DHX8: variants seen among roughly 807,000 people sequenced by gnomAD.
DHX8 encodes DEAH-box helicase 8, also known as ATP-dependent RNA helicase DHX8.
Under a neutral mutation model 140.7 loss-of-function variants are expected in DHX8, and 67 were observed. The ratio of observed to expected loss-of-function variants is 0.48; its 90% CI spans 0.39 to 0.58. The LOEUF (loss-of-function observed/expected upper bound fraction) is 0.58, where lower values mean the gene tolerates loss of function less well. DHX8 is among the 20% of genes least tolerant of loss of function. DHX8 has a pLI of 0.00. For synonymous variants in DHX8, 533 were observed against 553.2 expected (o/e 0.96, Z 0.51); for missense variants, 887 against 1,550.7 (o/e 0.57, Z 7.19).
chr17:43,533,354 G>A (rs1318259865), intron 2 of DHX8: 2 of 1,611,224 alleles, frequency 1.2e-6, no homozygotes, highest in Non-Finnish European at 1.7e-6. Flanking sequence ...AGGCACTGGA[G>A]TTGAGAAGGA....
rs565130221 is a variant in DHX8, at chr17:43,522,533, G to A, written c.3443+307G>A. Among the ~76,000 whole-genome samples the A allele has an allele frequency of 5.9e-5, 9 of 152,084 alleles. No homozygotes were observed. In the South Asian group the frequency reaches 1.7e-3, roughly 28 times the overall value. ...GGAGGCTGAGGTGGGCAGATCAGCCGAGGTCGGGAGTTCAAGACCAGCCTG... is the reference window on the plus strand; with the variant it reads ...GGAGGCTGAGGTGGGCAGATCAGCCAAGGTCGGGAGTTCAAGACCAGCCTG... On this transcript the variant is annotated intron_variant, in intron 22 of 22. Transcript: ENST00000262415.
Position 43,490,459 on chromosome 17 carries a change from C to G in DHX8, c.303C>G (p.Ser101Arg). ...GGCCTCCAGCGAAGCCTTCCACTAG[C>G]AAAGGTAAGCAGAGCTTCCAGCTGA... ...TMRPPAKPST[S>R]KDPVVKPKTE... Residue 101 changes from serine (S) to arginine (R), a missense_variant, in exon 3 of 23, where the codon AGC (serine) becomes AGG (arginine). By Grantham distance (110) the Ser-to-Arg change is moderately radical. Around this residue, in one of 9 missense-constraint regions of DHX8, gnomAD observed 304 missense variants for 306.9 expected, o/e 0.99. Transcript: ENST00000262415. 3 of 1,613,010 alleles carry G rather than the reference C, an allele frequency of 1.9e-6. No homozygotes were observed. In the South Asian group the frequency reaches 3.3e-5, roughly 18 times the overall value.
At chr17:43,484,507 C>T (rs1968010305) in intron 1 of DHX8, among the ~76,000 whole-genome samples, 1 of 152,178 alleles carries the variant, frequency 6.6e-6, no homozygotes, top group Non-Finnish European at 1.5e-5. Context: ...ACGATGATGG[C>T]TGACGTTTAT....
chr17:43,495,094 G>C (rs368783418), intron 8 of DHX8, among the ~76,000 whole-genome samples: 1 of 151,886 alleles, frequency 6.6e-6, no homozygotes, highest in East Asian at 2.0e-4. Flanking sequence ...GATTACAGGC[G>C]TGAGCCACTG....
At chr17:43,508,273 C>G in intron 15 of DHX8, 66 bp from the exon 16 acceptor site, 1 of 1,543,630 alleles carries the variant, frequency 6.5e-7, no homozygotes, top group Non-Finnish European at 8.7e-7. Flanking sequence ...TTAATATCAC[C>G]ATAGCCCTTG....
chr17:43,539,956 A>G (rs535521118), intron 3 of DHX8, among the ~76,000 whole-genome samples: 16 of 152,350 alleles, frequency 1.1e-4, no homozygotes, highest in Non-Finnish European at 2.4e-4. Flanking sequence ...ACAAGCCACC[A>G]GCAGCTAAAC....
chr17:43,488,602 C>T (rs1219018590), intron 1 of DHX8, among the ~76,000 whole-genome samples: 2 of 144,214 alleles, frequency 1.4e-5, no homozygotes, highest in Admixed American at 7.0e-5. Context: ...CAGAGCCAGA[C>T]TCTGTCTTAA....
chr17:43,523,162 A>G (rs1025254398), intron 22 of DHX8, among the ~76,000 whole-genome samples: 1 of 152,100 alleles, frequency 6.6e-6, no homozygotes, highest in African/African-American at 2.4e-5. Flanking sequence ...ATTGGACTCT[A>G]TCTAGAACCC....
chr17:43,484,451 C>T (rs1305270190), intron 1 of DHX8, among the ~76,000 whole-genome samples: 2 of 152,068 alleles, frequency 1.3e-5, no homozygotes, highest in African/African-American at 4.8e-5. Flanking sequence ...TTTTCAGCCT[C>T]AATTAAACAT....
At chr17:43,536,514 A>C (rs1354412968) in intron 3 of DHX8, 1 of 1,606,948 alleles carries the variant, frequency 6.2e-7, no homozygotes, top group South Asian at 1.1e-5. Flanking sequence ...TTTGGGGCGG[A>C]GCCCTGGTTG....
At chr17:43,535,014 C>T (rs1157139115) in intron 2 of DHX8, among the ~76,000 whole-genome samples, 1 of 152,186 alleles carries the variant, frequency 6.6e-6, no homozygotes, top group Non-Finnish European at 1.5e-5. Flanking sequence ...TGTCAGCTGA[C>T]TAACATTATA....
At chr17:43,535,303 A>G (rs1482646565) in intron 2 of DHX8, among the ~76,000 whole-genome samples, 4 of 151,822 alleles carry the variant, frequency 2.6e-5, no homozygotes, top group Admixed American at 6.6e-5. Context: ...TTTGAGATGG[A>G]GCCTCGCTCT....
intron 16 of DHX8, among the ~76,000 whole-genome samples, chr17:43,510,720 T>C (rs907988318): frequency 4.6e-5 from 7 of 152,202 alleles, no homozygotes; most frequent in Non-Finnish European, 7.3e-5. Flanking sequence ...ACCACAATTA[T>C]ATTTAGAACA....
At chr17:43,502,977 A>T (rs1459539622) in intron 11 of DHX8, among the ~76,000 whole-genome samples, 1 of 152,082 alleles carries the variant, frequency 6.6e-6, no homozygotes, top group Non-Finnish European at 1.5e-5. Flanking sequence ...TTGGCATCAA[A>T]TTTGTAAAAT....
At chr17:43,531,372 A>G (rs1276398353), downstream of DHX8, among the ~76,000 whole-genome samples, 3 of 152,150 alleles carry the variant, frequency 2.0e-5, no homozygotes, top group South Asian at 2.1e-4. Flanking sequence ...AGGTGAGTGC[A>G]TCTCACTCCA....
intron 8 of DHX8, 43 bp downstream of exon 8, chr17:43,493,929 G>T: frequency 6.2e-7 from 1 of 1,604,566 alleles, no homozygotes; most frequent in Non-Finnish European, 8.5e-7. Flanking sequence ...CATTCAGCAT[G>T]TAGCATGGTG....
chr17:43,539,749 C>A (rs780163176), intron 3 of DHX8, among the ~76,000 whole-genome samples: 12 of 152,164 alleles, frequency 7.9e-5, no homozygotes, highest in Non-Finnish European at 1.6e-4. Context: ...ACACACAAGG[C>A]AACACTAGAG....
At chr17:43,513,694 C>T in intron 17 of DHX8, among the ~76,000 whole-genome samples, 192 bp downstream of exon 17, 1 of 146,466 alleles carries the variant, frequency 6.8e-6, no homozygotes. Context: ...CTGATTGATC[C>T]TTGAAGTTTT....
intron 22 of DHX8, 118 bp from the exon 23 acceptor site, chr17:43,523,510 C>T (rs1320938143): frequency 6.7e-7 from 1 of 1,486,304 alleles, no homozygotes; most frequent in Non-Finnish European, 9.0e-7. Flanking sequence ...TTATAGGTGT[C>T]AGGCAGGAGA....
Sources: allele counts gnomAD v4.1 joint callset (sites outside exome capture counted in the v4.1 genomes callset), GRCh38; gene constraint gnomAD v4.1.1; regional missense constraint gnomAD v4.1.1; transcripts MANE v1.5; gene names NCBI Gene and HGNC (gene_info 2026-07-23, HGNC 2026-07-21).